UTRN: variants seen among roughly 807,000 people sequenced by gnomAD.
UTRN encodes the protein dystrophin-related protein 1.
In UTRN, 283 loss-of-function variants were observed where a neutral mutation model predicts 463.9. That is an observed-to-expected ratio of 0.61 (90% CI 0.55 to 0.67). The LOEUF (loss-of-function observed/expected upper bound fraction) is 0.67. Ranked by LOEUF, UTRN falls within the 30% of genes least tolerant of loss-of-function variation. UTRN has a pLI of 0.00. For synonymous variants in UTRN, 1,442 were observed against 1,431.5 expected (o/e 1.01, Z -0.17); for missense variants, 3,922 against 4,084.3 (o/e 0.96, Z 1.08).
rs531407191 is a variant in UTRN, at chr6:144,744,890, C to T, written c.7940-3356C>T. 1.6e-3 allele frequency among the ~76,000 whole-genome samples: 238 copies of T among 152,288 alleles called. 1 individual carries two copies. The highest frequency in any genetic ancestry group is 5.1e-3 in the African/African-American group (214 of 41,560). On this transcript the variant is annotated intron_variant, in intron 54 of 74. Transcript: ENST00000367545. ...AGAACCCAGTGGAGTGGAAATGTCC[C>T]GTAAGCTTCAGCTACATGGTCCAGA...
intron 56 of UTRN, among the ~76,000 whole-genome samples, chr6:144,752,228 G>A (rs1406566970): frequency 6.6e-6 from 1 of 151,906 alleles, no homozygotes; most frequent in African/African-American, 2.4e-5. Flanking sequence ...TGAAACCTGT[G>A]GTAGGTCACA....
At chr6:144,708,488 C>A in intron 53 of UTRN, 1 of 504,216 alleles carries the variant, frequency 2.0e-6, no homozygotes, top group South Asian at 2.3e-5. Context: ...CCTCTGAGTT[C>A]TTCTAGGATC....
In UTRN at chr6:144,732,655, CATGTTATGTTATGTTATGTT is replaced by C. The variant is rs57770911; in HGVS notation, c.7939+2222_7939+2241del. Among the ~76,000 whole-genome samples, 886 of 126,318 alleles carry C rather than the reference CATGTTATGTTATGTTATGTT, an allele frequency of 7.0e-3. 11 individuals are homozygous for C. Among genetic ancestry groups the C allele is most frequent in the African/African-American group, 0.023 (744 of 32,726 alleles). 82.9% of individuals were successfully genotyped at this position (126,318 alleles called of 152,430 possible). Reference sequence around the variant, plus strand: ...TGACATTTATTGTTTCATTTTATGTCATGTTATGTTATGTTATGTTATGTTATGTTATGTTATGTTATGTT... The same window carrying C: ...TGACATTTATTGTTTCATTTTATGTCATGTTATGTTATGTTATGTTATGTT... On this transcript the variant is annotated intron_variant, in intron 54 of 74. Coordinates refer to ENST00000367545, the MANE Select transcript of UTRN (RefSeq NM_007124.3).
chr6:144,307,397 T>C (rs1213106636), intron 2 of UTRN, among the ~76,000 whole-genome samples: 1 of 152,242 alleles, frequency 6.6e-6, no homozygotes, highest in African/African-American at 2.4e-5. Context: ...TCTGCATATT[T>C]TCTTAGAAAA....
At chr6:144,639,085 A>C (rs1777503964) in intron 51 of UTRN, among the ~76,000 whole-genome samples, 1 of 148,300 alleles carries the variant, frequency 6.7e-6, no homozygotes, top group East Asian at 2.8e-4. Flanking sequence ...ATAAAATAAA[A>C]TAATAAAAAT....
chr6:144,395,522 A>G (rs1010771776), intron 2 of UTRN, among the ~76,000 whole-genome samples: 2 of 152,072 alleles, frequency 1.3e-5, no homozygotes, highest in African/African-American at 4.8e-5. Context: ...AAGTGCAAGT[A>G]GAAAAACATT....
At chr6:144,739,062 G>A (rs1025613004) in intron 54 of UTRN, among the ~76,000 whole-genome samples, 3 of 152,098 alleles carry the variant, frequency 2.0e-5, no homozygotes, top group Non-Finnish European at 4.4e-5. Flanking sequence ...AAGTATGTAT[G>A]GGTTAATGTT....
chr6:144,851,045 T>A lies in UTRN; in HGVS notation c.*48T>A. On this transcript the variant is annotated 3_prime_UTR_variant, in exon 75 of 75. Transcript: ENST00000367545. ...GTTTCCTGACGTACAGTGTTGCCCT[T>A]TTCAGCAAATGCCAATTCCAAGTTC... 1.9e-6 allele frequency: 3 copies of A among 1,612,916 alleles called. No homozygotes were observed. The South Asian group carries it at 3.3e-5, about 18-fold the overall frequency.
intron 23 of UTRN, among the ~76,000 whole-genome samples, chr6:144,466,493 C>T (rs1366617954): frequency 6.6e-6 from 1 of 152,156 alleles, no homozygotes; most frequent in Non-Finnish European, 1.5e-5. Context: ...TTTATTTGTG[C>T]CATGCCAAAG....
At chr6:144,793,350 C>A (rs1776928045) in intron 62 of UTRN, among the ~76,000 whole-genome samples, 1 of 151,810 alleles carries the variant, frequency 6.6e-6, no homozygotes, top group East Asian at 1.9e-4. Flanking sequence ...CTCAAGTGAT[C>A]CTCCTGCCTT....
chr6:144,438,932 A>C (rs750566279), intron 12 of UTRN, 37 bp downstream of exon 12: 24 of 1,606,768 alleles, frequency 1.5e-5, no homozygotes, highest in Non-Finnish European at 1.8e-5. Flanking sequence ...ACCTTATCAA[A>C]TATGAAAGAG....
chr6:144,812,998 T>C (rs978420749), intron 65 of UTRN, among the ~76,000 whole-genome samples: 2 of 152,098 alleles, frequency 1.3e-5, no homozygotes, highest in Non-Finnish European at 2.9e-5. Context: ...TTCTAAAATG[T>C]TTTTCACAGT....
intron 51 of UTRN, among the ~76,000 whole-genome samples, chr6:144,590,018 G>A (rs1802856228): frequency 6.6e-6 from 1 of 151,622 alleles, no homozygotes; most frequent in African/African-American, 2.4e-5. Context: ...CACCACACCG[G>A]GCTAATTTTT....
intron 2 of UTRN, among the ~76,000 whole-genome samples, chr6:144,374,489 AT>A (rs869295327): frequency 0.013 from 1,859 of 141,586 alleles, 23 homozygotes; most frequent in African/African-American, 0.036. Flanking sequence ...TAAAAACACA[AT>A]TTTTTTTTTT....
Position 144,462,882 on chromosome 6 carries a change from A to G in UTRN, c.3066+16A>G, listed in dbSNP as rs1357857237. 6.3e-7 allele frequency: 1 copy of G among 1,582,698 alleles called. No individual in the cohort carries two copies. Among genetic ancestry groups the G allele is most frequent in the Non-Finnish European group, 8.6e-7 (1 of 1,166,564 alleles). ...AGCTTTTGAGGTAAATCCAGAGGCC[A>G]CTGGGAGTTTAAGTTTATTACGGGG... On this transcript the variant is annotated intron_variant, in intron 23 of 74. Transcript: ENST00000367545.
chr6:144,785,248 G>A (rs984194129), intron 61 of UTRN, among the ~76,000 whole-genome samples: 27 of 152,056 alleles, frequency 1.8e-4, no homozygotes, highest in Non-Finnish European at 3.5e-4. Flanking sequence ...TCATATACCC[G>A]TGACTGCCTT....
intron 23 of UTRN, among the ~76,000 whole-genome samples, chr6:144,463,416 T>TA (rs1789608929): frequency 1.3e-5 from 2 of 152,072 alleles, no homozygotes; most frequent in Admixed American, 1.3e-4. Flanking sequence ...GAGGAAAGGA[T>TA]AAATGTGAGG....
At chr6:144,354,941 T>G (rs1778422200) in intron 2 of UTRN, among the ~76,000 whole-genome samples, 1 of 152,202 alleles carries the variant, frequency 6.6e-6, no homozygotes, top group Admixed American at 6.5e-5. Context: ...TGTGTATGTT[T>G]GAGAACCTCT....
intron 52 of UTRN, among the ~76,000 whole-genome samples, chr6:144,687,137 G>A (rs1327855720): frequency 2.0e-5 from 3 of 152,028 alleles, no homozygotes; most frequent in African/African-American, 7.2e-5. Context: ...ACTTGGTTTT[G>A]GTGAGTTATC....
Sources: allele counts gnomAD v4.1 joint callset (sites outside exome capture counted in the v4.1 genomes callset), GRCh38; gene constraint gnomAD v4.1.1; transcripts MANE v1.5; gene names NCBI Gene and HGNC (gene_info 2026-07-23, HGNC 2026-07-21).